The following MLIP variants were observed in gnomAD, a reference collection of about 807,000 sequenced individuals.
MLIP encodes muscular LMNA-interacting protein.
MLIP carries 79 observed loss-of-function variants against 84.8 expected under a neutral mutation model. That is an observed-to-expected ratio of 0.93 (90% CI 0.78 to 1.12). The LOEUF is 1.12. Among genes scored for constraint, MLIP ranks in the 50% most tolerant of loss-of-function variants. The pLI, the probability that MLIP is intolerant of heterozygous loss-of-function variation, is 0.00. For synonymous variants in MLIP, 504 were observed against 463.0 expected, an observed-to-expected ratio of 1.09 and a Z score of -1.14; for missense variants, 1,257 against 1,160.6, an observed-to-expected ratio of 1.08 and a Z score of -1.21.
At chr6:54,151,743 A>G (rs529180146) in intron 5 of MLIP, among the ~76,000 whole-genome samples, 1 of 152,198 alleles carries the variant, frequency 6.6e-6, no homozygotes, top group Non-Finnish European at 1.5e-5. Context: ...ATCTTATGCC[A>G]CATTCTTTTC....
At chr6:54,187,171 G>A (rs150215725) in intron 9 of MLIP, among the ~76,000 whole-genome samples, 37 of 152,284 alleles carry the variant, frequency 2.4e-4, no homozygotes, top group African/African-American at 7.5e-4. Context: ...AAATCAGGAT[G>A]AGGCAATAAA....
At chr6:54,093,327 T>TC (rs1449866432) in intron 1 of MLIP, among the ~76,000 whole-genome samples, 1 of 149,436 alleles carries the variant, frequency 6.7e-6, no homozygotes, top group Non-Finnish European at 1.5e-5. Context: ...TATTTTCGAT[T>TC]AAATTCTATT....
chr6:54,202,901 A>G (rs1217259116), intron 11 of MLIP, among the ~76,000 whole-genome samples: 1 of 152,198 alleles, frequency 6.6e-6, no homozygotes, highest in Non-Finnish European at 1.5e-5. Context: ...CCTGTCTCAA[A>G]AAATAAAATA....
chr6:54,150,576 A>G (rs1773338356), intron 5 of MLIP, among the ~76,000 whole-genome samples: 1 of 152,178 alleles, frequency 6.6e-6, no homozygotes, highest in Admixed American at 6.6e-5. Flanking sequence ...CAAAGAGGAG[A>G]TGAGGAGCCT....
intron 8 of MLIP, among the ~76,000 whole-genome samples, chr6:54,164,841 C>G (rs975865096): frequency 6.6e-6 from 1 of 151,472 alleles, no homozygotes; most frequent in African/African-American, 2.4e-5. Flanking sequence ...ATGTTCCATC[C>G]TTTATTTATC....
intron 12 of MLIP, among the ~76,000 whole-genome samples, chr6:54,249,734 C>CACACACACATATAT (rs145607176): frequency 2.1e-4 from 27 of 127,708 alleles, no homozygotes; most frequent in African/African-American, 7.2e-4. Context: ...CACACACACA[C>CACACACACATATAT]ATATATATAT....
chr6:54,048,790 T>C (rs1254351408), intron 1 of MLIP, among the ~76,000 whole-genome samples: 3 of 152,132 alleles, frequency 2.0e-5, no homozygotes, highest in African/African-American at 4.8e-5. Context: ...GTTTTAGTGA[T>C]GGAAAGTGTA....
rs999328740 is a variant in MLIP at position 54,188,805 on chromosome 6, A to T, written c.2545-1065A>T. ...AGACCCCCAAAACACAAGAAAAAGA[A>T]ATCTACACCAAGGCACATCATAGTG... On this transcript the variant is annotated intron_variant, in intron 9 of 13. Transcript: ENST00000502396. Among the ~76,000 whole-genome samples, 9 of 147,726 alleles carry T rather than the reference A, an allele frequency of 6.1e-5. No individual in the cohort carries two copies. In the South Asian group the frequency reaches 1.9e-3, roughly 32 times the overall value.
intron 9 of MLIP, among the ~76,000 whole-genome samples, chr6:54,171,946 T>C (rs965424129): frequency 1.3e-5 from 2 of 151,646 alleles, no homozygotes; most frequent in African/African-American, 4.8e-5. Context: ...CTTCAGAGTA[T>C]ATAACTGCTG....
At chr6:54,020,211 G>GAAAGA (rs1763418559) in intron 1 of MLIP, among the ~76,000 whole-genome samples, 1 of 152,162 alleles carries the variant, frequency 6.6e-6, no homozygotes, top group Non-Finnish European at 1.5e-5. Context: ...CTGAGTCTCA[G>GAAAGA]TTAATTCATG....
Position 54,137,222 on chromosome 6 carries a change from C to G in MLIP, c.1153C>G (p.His385Asp). ...PSPKPFTSSF[H>D]GSSSTICSQM... ...CCCCAAACCATTTACCTCCTCTTTC[C>G]ACGGCTCTTCTTCCACCATCTGCAG... The change falls in exon 4 of 14, where the codon CAC (histidine) becomes GAC (aspartate). Residue 385 changes from histidine to aspartate, a missense_variant. By Grantham distance (81) the His-to-Asp change is moderately conservative. Coordinates refer to ENST00000502396, the MANE Select transcript of MLIP (RefSeq NM_001281747.2). 1.3e-6 allele frequency: 2 copies of G among 1,536,096 alleles called. No individual in the cohort carries two copies. The highest frequency in any genetic ancestry group is 1.7e-6 in the Non-Finnish European group (2 of 1,146,906).
chr6:54,216,692 A>G, intron 11 of MLIP: 1 of 985,264 alleles, frequency 1.0e-6, no homozygotes, highest in Non-Finnish European at 1.2e-6. Flanking sequence ...GGTTCAAATC[A>G]GGATTCAAAA....
rs1770774461 is a variant in MLIP, at chr6:54,124,782, C to T, written c.562C>T (p.Pro188Ser). 1 of 1,614,018 alleles carries T rather than the reference C, an allele frequency of 6.2e-7. No individual in the cohort carries two copies. The highest frequency in any genetic ancestry group is 2.2e-5 in the East Asian group (1 of 44,890). The change falls in exon 3 of 14, where the codon CCC becomes TCC. Residue 188 changes from proline (P) to serine (S), a missense_variant. By Grantham distance (74) the Pro-to-Ser change is moderately conservative (BLOSUM62 -1). Transcript: ENST00000502396. ...CAGTCTGGTCTCTGATGTAGTGCGTCCCAAAACACAGGGGACTGATCTCAA... is the reference window on the plus strand; with the variant it reads ...CAGTCTGGTCTCTGATGTAGTGCGTTCCAAAACACAGGGGACTGATCTCAA... ...SSSLVSDVVR[P>S]KTQGTDLKTS...
At chr6:54,231,421 G>T (rs111685328) in intron 12 of MLIP, among the ~76,000 whole-genome samples, 2 of 152,040 alleles carry the variant, frequency 1.3e-5, no homozygotes, top group African/African-American at 4.8e-5. Flanking sequence ...ATAGTAACGC[G>T]ATGTGTAAAA....
chr6:54,191,091 G>A (rs537545127), intron 10 of MLIP, among the ~76,000 whole-genome samples: 117 of 151,934 alleles, frequency 7.7e-4, no homozygotes, highest in African/African-American at 2.7e-3. Context: ...CATCGCGCCC[G>A]GCCAAAGATT....
chr6:54,152,533 C>A (rs1773559119), intron 5 of MLIP, among the ~76,000 whole-genome samples: 1 of 152,130 alleles, frequency 6.6e-6, no homozygotes, highest in Admixed American at 6.6e-5. Context: ...TTTCCTGAGA[C>A]TTACTCATTA....
intron 1 of MLIP, among the ~76,000 whole-genome samples, chr6:54,087,760 G>A (rs2150366407): frequency 6.6e-6 from 1 of 151,656 alleles, no homozygotes; most frequent in Non-Finnish European, 1.5e-5. Flanking sequence ...TTACTGAACT[G>A]TTTAAGAAAA....
intron 1 of MLIP, among the ~76,000 whole-genome samples, chr6:54,115,252 T>C (rs140198421): frequency 6.6e-6 from 1 of 152,088 alleles, no homozygotes; most frequent in Non-Finnish European, 1.5e-5. Context: ...TTAGACTTAG[T>C]GAGGGCTGTA....
intron 9 of MLIP, among the ~76,000 whole-genome samples, chr6:54,185,373 A>G (rs1199138010): frequency 1.3e-5 from 2 of 152,230 alleles, no homozygotes; most frequent in Non-Finnish European, 2.9e-5. Flanking sequence ...TTCTGATAGC[A>G]GTGATACGGA....
Sources: allele counts gnomAD v4.1 joint callset (sites outside exome capture counted in the v4.1 genomes callset), GRCh38; gene constraint gnomAD v4.1.1; transcripts MANE v1.5; gene names NCBI Gene and HGNC (gene_info 2026-07-23, HGNC 2026-07-21).